FSTL5: variants seen among roughly 807,000 people sequenced by gnomAD.
FSTL5 encodes follistatin like 5, also known as follistatin-related protein 5.
Under a neutral mutation model 89.1 loss-of-function variants are expected in FSTL5, and 62 were observed. That is an observed-to-expected ratio of 0.70 (90% CI 0.57 to 0.86). The LOEUF (loss-of-function observed/expected upper bound fraction) is 0.86, where lower values mean the gene tolerates loss of function less well. Among genes scored for constraint, FSTL5 ranks in the 40% least tolerant of loss-of-function variants. The pLI, the probability that FSTL5 is intolerant of heterozygous loss-of-function variation, is 0.00. For synonymous variants in FSTL5, 383 were observed against 346.2 expected (o/e 1.11, Z -1.18); for missense variants, 1,057 against 1,001.6 (o/e 1.06, Z -0.75).
At chr4:161,704,290 C>T (rs2126732561) in intron 6 of FSTL5, among the ~76,000 whole-genome samples, 1 of 152,212 alleles carries the variant, frequency 6.6e-6, no homozygotes, top group South Asian at 2.1e-4. Flanking sequence ...AACCAATGTT[C>T]ATCTTGCATA....
At chr4:161,450,869 G>A (rs1194326587) in intron 15 of FSTL5, among the ~76,000 whole-genome samples, 1 of 150,650 alleles carries the variant, frequency 6.6e-6, no homozygotes, top group Non-Finnish European at 1.5e-5. Context: ...TCTGCCTCCT[G>A]AGTAGCTGGG....
At chr4:161,481,454 A>T (rs1322380119) in intron 12 of FSTL5, among the ~76,000 whole-genome samples, 1 of 152,058 alleles carries the variant, frequency 6.6e-6, no homozygotes, top group Non-Finnish European at 1.5e-5. Context: ...TAACTCAGCA[A>T]CTTCAGAAAG....
intron 7 of FSTL5, among the ~76,000 whole-genome samples, chr4:161,591,507 T>G (rs989361055): frequency 1.3e-5 from 2 of 149,890 alleles, no homozygotes; most frequent in Non-Finnish European, 3.0e-5. Flanking sequence ...AAAATCTATA[T>G]GGAATACTTA....
At chr4:161,906,090 T>C (rs1733514498) in intron 4 of FSTL5, among the ~76,000 whole-genome samples, 1 of 152,062 alleles carries the variant, frequency 6.6e-6, no homozygotes, top group South Asian at 2.1e-4. Context: ...ATAACCATAC[T>C]TTCTTTAGTA....
chr4:162,001,670 T>TG (rs35196000), intron 3 of FSTL5, among the ~76,000 whole-genome samples: 17,054 of 151,796 alleles, frequency 0.11, 1,069 homozygotes, highest in East Asian at 0.23. Context: ...CAACTAGTGA[T>TG]GTATACATGT....
chr4:161,488,004 T>C (rs761615667), intron 12 of FSTL5, among the ~76,000 whole-genome samples: 16 of 152,168 alleles, frequency 1.1e-4, no homozygotes, highest in Middle Eastern at 3.4e-3. Context: ...GTGAATATGC[T>C]AGATATAAAG....
intron 4 of FSTL5, among the ~76,000 whole-genome samples, chr4:161,850,573 AC>A (rs141735736): frequency 0.047 from 7,113 of 152,214 alleles, 209 homozygotes; most frequent in Non-Finnish European, 0.07. Context: ...TCTGGCCCAG[AC>A]ACATTTGCAT....
At chr4:162,107,595 G>A (rs1193413449) in intron 2 of FSTL5, among the ~76,000 whole-genome samples, 1 of 152,104 alleles carries the variant, frequency 6.6e-6, no homozygotes, top group Non-Finnish European at 1.5e-5. Flanking sequence ...TTCATGGGGA[G>A]GTTGGCCTAA....
At chr4:161,498,049 T>G (rs1730150010) in intron 12 of FSTL5, among the ~76,000 whole-genome samples, 1 of 151,762 alleles carries the variant, frequency 6.6e-6, no homozygotes, top group African/African-American at 2.4e-5. Context: ...TCACATTGCT[T>G]TGTCCTACAT....
rs553068464 is a variant in FSTL5 at position 161,415,671 on chromosome 4, GAGAGAGAGAA to G, written c.1842-29232_1842-29223del. 5.5e-3 allele frequency among the ~76,000 whole-genome samples: 832 copies of G among 150,580 alleles called. 3 individuals carry two copies. Among genetic ancestry groups the G allele is most frequent in the African/African-American group, 0.019 (762 of 40,874 alleles). ...GGGGATACATATATATATAGAGAGA[GAGAGAGAGAA>G]AGAGAGAGAAAGAGAGAGAGAGAGA... On this transcript the variant is annotated intron_variant, in intron 15 of 15. Transcript: ENST00000306100.
intron 3 of FSTL5, among the ~76,000 whole-genome samples, chr4:161,970,346 A>G (rs771284712): frequency 2.0e-4 from 31 of 152,132 alleles, no homozygotes; most frequent in Admixed American, 1.4e-3. Flanking sequence ...TAAGGGACCC[A>G]TTGCAATATG....
intron 7 of FSTL5, among the ~76,000 whole-genome samples, chr4:161,627,295 A>G (rs1335716423): frequency 6.6e-6 from 1 of 152,196 alleles, no homozygotes; most frequent in Non-Finnish European, 1.5e-5. Flanking sequence ...AAGATCCTCC[A>G]CTAGCAAAAA....
At chr4:161,960,343 T>A (rs574422584) in intron 3 of FSTL5, among the ~76,000 whole-genome samples, 189 of 151,646 alleles carry the variant, frequency 1.2e-3, no homozygotes, top group Admixed American at 2.6e-3. Context: ...ATTTTTTTTT[T>A]AAATATATTT....
intron 6 of FSTL5, among the ~76,000 whole-genome samples, chr4:161,685,128 A>C (rs1210044034): frequency 6.6e-6 from 1 of 152,074 alleles, no homozygotes; most frequent in Non-Finnish European, 1.5e-5. Context: ...TATACCAGTA[A>C]CATGCTGCTT....
intron 2 of FSTL5, among the ~76,000 whole-genome samples, chr4:162,090,153 C>G (rs940462927): frequency 2.6e-5 from 4 of 152,076 alleles, no homozygotes; most frequent in Non-Finnish European, 5.9e-5. Flanking sequence ...AGGAGACAAC[C>G]TAGGCAATAC....
chr4:161,835,446 G>A (rs1731005930), intron 4 of FSTL5, among the ~76,000 whole-genome samples: 1 of 152,024 alleles, frequency 6.6e-6, no homozygotes, highest in Non-Finnish European at 1.5e-5. Flanking sequence ...AGCCAAAATT[G>A]ACAAATGGGA....
chr4:162,099,704 A>T (rs951095895), intron 2 of FSTL5, among the ~76,000 whole-genome samples: 3 of 152,238 alleles, frequency 2.0e-5, no homozygotes, highest in Admixed American at 2.0e-4. Context: ...CAAAATATAC[A>T]ATGAACATGA....
At chr4:161,821,776 A>G (rs1579116952) in intron 4 of FSTL5, among the ~76,000 whole-genome samples, 3 of 152,022 alleles carry the variant, frequency 2.0e-5, no homozygotes. Context: ...ATGGTATTCC[A>G]TGGTGTGTGT....
At chr4:161,782,108 G>T (rs994662970) in intron 4 of FSTL5, among the ~76,000 whole-genome samples, 1 of 152,018 alleles carries the variant, frequency 6.6e-6, no homozygotes, top group Non-Finnish European at 1.5e-5. Flanking sequence ...ATATTCCATT[G>T]TATGGATGTA....
Sources: allele counts gnomAD v4.1 joint callset (sites outside exome capture counted in the v4.1 genomes callset), GRCh38; gene constraint gnomAD v4.1.1; transcripts MANE v1.5; gene names NCBI Gene and HGNC (gene_info 2026-07-23, HGNC 2026-07-21).